FASTKD2: variants seen among roughly 807,000 people sequenced by gnomAD.
FASTKD2 encodes FAST kinase domain-containing protein 2, mitochondrial.
Under a neutral mutation model 63.6 loss-of-function variants are expected in FASTKD2, and 51 were observed. The ratio of observed to expected loss-of-function variants is 0.80; its 90% confidence interval spans 0.64 to 1.01. The LOEUF is 1.01. Among genes scored for constraint, FASTKD2 ranks in the 50% least tolerant of loss-of-function variants. The probability of loss-of-function intolerance (pLI) is 0.00; values close to 1 mark genes in which losing one functional copy is unlikely to be tolerated. For missense variants in FASTKD2, 786 were observed against 831.1 expected (o/e 0.95, Z 0.67); for synonymous variants, 284 against 293.4 (o/e 0.97, Z 0.33).
In FASTKD2 at chr2:206,791,594, C is replaced by T. The variant is rs1431914875; in HGVS notation, c.2014-89C>T. 10 of 1,237,318 alleles carry T rather than the reference C, an allele frequency of 8.1e-6. No homozygotes were observed. In the African/African-American group the frequency reaches 1.2e-4, roughly 15 times the overall value. The allele number at this position is 1,237,318 out of a possible 1,614,324, so 76.6% of individuals were successfully genotyped here. On this transcript the variant is annotated intron_variant, in intron 11 of 11. Coordinates refer to ENST00000402774, the MANE Select transcript of FASTKD2 (RefSeq NM_001136193.2). The stretch of plus-strand genomic sequence containing the variant: ...TTTGCTTTCAAAAAGCTATTGTCCT[C>T]ATGTTACTTTACTATGTTTGGATCT...
rs764719759 is a variant in FASTKD2 at position 206,771,955 on chromosome 2, TACTAGCTGCCATGAATC to T, written c.1055_1071del (p.Leu352ProfsTer8). The T allele has an allele frequency of 6.2e-7, 1 of 1,611,990 alleles. No homozygotes were observed. Among genetic ancestry groups the T allele is most frequent in the Non-Finnish European group, 8.5e-7 (1 of 1,178,014 alleles). Reference sequence around the variant, plus strand: ...TTGAATAGCCAACACATGTTTGAAGTACTAGCTGCCATGAATCACCGATCTCTTATACTCCTGGATGA... The same window carrying T: ...TTGAATAGCCAACACATGTTTGAAGTACCGATCTCTTATACTCCTGGATGA... On this transcript the variant is annotated frameshift_variant, in exon 5 of 12. Coordinates refer to ENST00000402774, the MANE Select transcript of FASTKD2 (RefSeq NM_001136193.2). LOFTEE classifies it high-confidence loss of function.
rs1214966700 is a variant in FASTKD2 at position 206,793,150 on chromosome 2, A to G, written c.*1348A>G. On this transcript the variant is annotated 3_prime_UTR_variant, in exon 12 of 12. Transcript: ENST00000402774. Reference sequence around the variant, plus strand: ...GGCAGGGGAATCGCTTGAACCCGGGAGGTGGAGATTGCAGTGAGCCAAGAT... The same window carrying G: ...GGCAGGGGAATCGCTTGAACCCGGGGGGTGGAGATTGCAGTGAGCCAAGAT... 7.6e-6 allele frequency among the ~76,000 whole-genome samples: 1 copy of G among 131,878 alleles called. No homozygotes were observed. The highest frequency in any genetic ancestry group is 1.6e-5 in the Non-Finnish European group (1 of 64,292). The allele number at this position is 131,878 out of a possible 152,430, so 86.5% of individuals were successfully genotyped here.
intron 10 of FASTKD2, chr2:206,789,192 C>A (rs944639507): frequency 2.3e-5 from 8 of 354,964 alleles, no homozygotes; most frequent in Non-Finnish European, 4.2e-5. Context: ...TTGAAACTAT[C>A]AATGCAGTGT....
intron 10 of FASTKD2, chr2:206,790,357 CTG>C: frequency 2.1e-6 from 1 of 482,226 alleles, no homozygotes; most frequent in South Asian, 2.2e-5. Context: ...TGAGAGGTAA[CTG>C]TGTATAATGT....
chr2:206,771,262 C>T lies in FASTKD2; in HGVS notation c.962C>T (p.Ala321Val), dbSNP rs1689672445. ...QVVMKCIGKD[A>V]PIALKRKLEM... is the part of the protein sequence containing the mutation. The stretch of plus-strand genomic sequence containing the variant: ...GTGATGAAGTGTATTGGAAAAGATG[C>T]ACCGATTGCTCTTAAGAGGAAACTG... Residue 321 changes from alanine (A) to valine (V), a missense_variant, in exon 4 of 12, where the codon GCA becomes GTA. Transcript: ENST00000402774. The T allele has an allele frequency of 6.2e-7, 1 of 1,608,232 alleles. No individual in the cohort carries two copies.
rs1404995621 is a variant in FASTKD2 at position 206,786,722 on chromosome 2, T to A, written c.1428-11T>A. On this transcript the variant is annotated splice_polypyrimidine_tract_variant and intron_variant, in intron 7 of 11. Transcript: ENST00000402774. The stretch of plus-strand genomic sequence containing the variant: ...TATATGTTGGGAAACTGACTTTTCT[T>A]TGTTCCCCAGACAGTTCGTGGAAGT... 6.2e-7 allele frequency: 1 copy of A among 1,613,058 alleles called. No homozygotes were observed. The highest frequency in any genetic ancestry group is 1.3e-5 in the African/African-American group (1 of 75,028).
intron 7 of FASTKD2, among the ~76,000 whole-genome samples, chr2:206,779,470 G>C (rs1389434786): frequency 6.6e-6 from 1 of 152,114 alleles, no homozygotes; most frequent in Non-Finnish European, 1.5e-5. Flanking sequence ...GGCCTCAGGA[G>C]ACTTACAATT....
intron 6 of FASTKD2, 56 bp from the exon 7 acceptor site, chr2:206,774,169 T>C: frequency 3.2e-6 from 4 of 1,251,438 alleles, no homozygotes; most frequent in Non-Finnish European, 3.4e-6. Context: ...TCTAAAAAAT[T>C]ACTATTAGCA....
chr2:206,795,594 A>T lies in FASTKD2; in HGVS notation c.*3792A>T, dbSNP rs1690428649. Among the ~76,000 whole-genome samples, 1 of 152,112 alleles carries T rather than the reference A, an allele frequency of 6.6e-6. No homozygotes were observed. Among genetic ancestry groups the T allele is most frequent in the South Asian group, 2.1e-4 (1 of 4,828 alleles). On this transcript the variant is annotated 3_prime_UTR_variant, in exon 12 of 12. Transcript: ENST00000402774. ...TGTGCACACAGGTGTGCCGTGACTC[A>T]CTGGTGGATCCAAAAAAAGCTGAAG...
intron 7 of FASTKD2, among the ~76,000 whole-genome samples, chr2:206,785,145 G>T (rs546041034): frequency 6.6e-6 from 1 of 151,620 alleles, no homozygotes; most frequent in Non-Finnish European, 1.5e-5. Context: ...ATCAGATCTC[G>T]TGAGACTTAT....
rs1690436511 is a variant in FASTKD2 at position 206,795,853 on chromosome 2, T to C, written c.*4051T>C. ...CTGGTGGGGATTGTGGCTAAAATAA[T>C]GTGGCTCTGGAGCCAGCAATGGGCA... On this transcript the variant is annotated 3_prime_UTR_variant, in exon 12 of 12. Coordinates refer to ENST00000402774, the MANE Select transcript of FASTKD2 (RefSeq NM_001136193.2). Among the ~76,000 whole-genome samples, 1 of 152,204 alleles carries C rather than the reference T, an allele frequency of 6.6e-6. No individual in the cohort carries two copies. The highest frequency in any genetic ancestry group is 2.4e-5 in the African/African-American group (1 of 41,446).
At chr2:206,784,777 C>T (rs1690092875) in intron 7 of FASTKD2, among the ~76,000 whole-genome samples, 2 of 152,202 alleles carry the variant, frequency 1.3e-5, no homozygotes, top group South Asian at 4.1e-4. Context: ...CTGTCTTCCT[C>T]ATCAAAGTTT....
intron 6 of FASTKD2, among the ~76,000 whole-genome samples, chr2:206,773,337 A>AAT (rs1689740578): frequency 6.7e-6 from 1 of 149,024 alleles, no homozygotes; most frequent in South Asian, 2.1e-4. Flanking sequence ...AAAAAAAAAA[A>AAT]GGGTTGTATG....
rs1690411324 is a variant in FASTKD2, at chr2:206,795,161, G to T, written c.*3359G>T. 6.6e-6 allele frequency among the ~76,000 whole-genome samples: 1 copy of T among 152,238 alleles called. No individual in the cohort carries two copies. Among genetic ancestry groups the T allele is most frequent in the Admixed American group, 6.5e-5 (1 of 15,286 alleles). ...ATCAGACTCCACCCTGTTTTGCGCT[G>T]ACTTGTAGGGAGACCTAGGTGTGGA... is the stretch of plus-strand genomic sequence containing the variant. On this transcript the variant is annotated 3_prime_UTR_variant, in exon 12 of 12. Coordinates refer to ENST00000402774, the MANE Select transcript of FASTKD2 (RefSeq NM_001136193.2).
chr2:206,785,723 A>C (rs1483983528), intron 7 of FASTKD2, among the ~76,000 whole-genome samples: 1 of 152,156 alleles, frequency 6.6e-6, no homozygotes, highest in Non-Finnish European at 1.5e-5. Flanking sequence ...ATGATCTGTT[A>C]TATTCCTCCC....
At position 206,788,111 on chromosome 2, in the gene FASTKD2, G is replaced by A. The variant is rs1482094007; in HGVS notation, c.1769G>A (p.Gly590Glu). Residue 590 changes from glycine (G) to glutamate (E), a missense_variant, in exon 9 of 12, where the codon GGA (glycine) becomes GAA (glutamate). Coordinates refer to ENST00000402774, the MANE Select transcript of FASTKD2 (RefSeq NM_001136193.2). Reference sequence around the variant, plus strand: ...CTGAGCAGCCTTCTGGGAGGTGAAGGACACTTCTCAAAGGATGTGCACTTG... The same window carrying A: ...CTGAGCAGCCTTCTGGGAGGTGAAGAACACTTCTCAAAGGATGTGCACTTG... ...EVLSSLLGGE[G>E]HFSKDVHLPH... 1.2e-6 allele frequency: 2 copies of A among 1,612,300 alleles called. No homozygotes were observed. The highest frequency in any genetic ancestry group is 1.7e-6 in the Non-Finnish European group (2 of 1,179,014).
In FASTKD2 at chr2:206,766,910, A is replaced by G. The variant is rs1250754358; in HGVS notation, c.217A>G (p.Ile73Val). 2 of 1,597,984 alleles carry G rather than the reference A, an allele frequency of 1.3e-6. No individual in the cohort carries two copies. The highest frequency in any genetic ancestry group is 2.2e-5 in the East Asian group (1 of 44,628). ...TCATAACAGAATGCAATCAACTGAT[A>G]TCATTAGATATCTCTTTCAGGATGC... ...NFHNRMQSTDIIRYLFQDAFI... is the reference protein window; with the variant it reads ...NFHNRMQSTDVIRYLFQDAFI... Residue 73 changes from isoleucine (I) to valine (V), a missense_variant, in exon 2 of 12, where the codon ATC becomes GTC. By Grantham distance (29) the Ile-to-Val change is conservative (BLOSUM62 3). Transcript: ENST00000402774.
chr2:206,789,382 A>G (rs3791984), intron 10 of FASTKD2: 19,697 of 157,590 alleles, frequency 0.12, 1,885 homozygotes, highest in African/African-American at 0.28. Flanking sequence ...AGCTAATCCT[A>G]AGTTGTTTCT....
rs375608544 is a variant in FASTKD2, at chr2:206,772,285, G to A, written c.1219G>A (p.Val407Met). The A allele has an allele frequency of 1.3e-5, 21 of 1,613,962 alleles. No individual in the cohort carries two copies. The African/African-American group carries it at 2.4e-4, about 18-fold the overall frequency. The change falls in exon 6 of 12, where the codon GTG becomes ATG. Residue 407 changes from valine (V) to methionine (M), a missense_variant. Physicochemically the swap from Val to Met is conservative, Grantham distance 21 (BLOSUM62 1). Transcript: ENST00000402774. The part of the protein sequence containing the change: ...LDLFKGLADY[V>M]AATFDIWKFR... The stretch of plus-strand genomic sequence containing the variant: ...TCTCTTCAAGGGACTTGCAGATTAT[G>A]TGGCTGCAACTTTCGACATCTGGAA...
Sources: gnomAD v4.1 joint callset for allele counts (sites outside exome capture counted in the v4.1 genomes callset) on GRCh38, gnomAD v4.1.1 for gene constraint, MANE v1.5 for transcripts, NCBI Gene and HGNC (gene_info 2026-07-23, HGNC 2026-07-21) for gene names.